Variants in FBXL13 observed in about 807,000 individuals in gnomAD.
FBXL13 encodes the protein F-box and leucine-rich repeat protein 13.
Under a neutral mutation model 83.6 loss-of-function variants are expected in FBXL13, and 67 were observed. The observed-to-expected ratio is 0.80, with a 90% CI of 0.66 to 0.98. The LOEUF (loss-of-function observed/expected upper bound fraction) is 0.98. FBXL13 is among the 50% of genes least tolerant of loss of function. The pLI, the probability that FBXL13 is intolerant of heterozygous loss-of-function variation, is 0.00. For synonymous variants in FBXL13, 272 were observed against 299.5 expected, an observed-to-expected ratio of 0.91 and a Z score of 0.95; for missense variants, 822 against 866.5, an observed-to-expected ratio of 0.95 and a Z score of 0.64.
At chr7:102,893,095 T>C (rs1486730174) in intron 11 of FBXL13, among the ~76,000 whole-genome samples, 1 of 152,232 alleles carries the variant, frequency 6.6e-6, no homozygotes, top group Non-Finnish European at 1.5e-5. Context: ...GTCACAAAAC[T>C]CTTGTTGTTC....
intron 18 of FBXL13, among the ~76,000 whole-genome samples, chr7:102,831,355 T>C (rs1402985274): frequency 6.7e-6 from 1 of 149,874 alleles, no homozygotes; most frequent in Non-Finnish European, 1.5e-5. Context: ...ATATAGTGAG[T>C]AGAGGGCAGG....
chr7:102,931,985 C>T (rs778439224), intron 8 of FBXL13, 52 bp from the exon 10 acceptor site: 5 of 1,550,922 alleles, frequency 3.2e-6, no homozygotes, highest in African/African-American at 2.7e-5. Flanking sequence ...AATGTTTAAA[C>T]AAAGTTTTTC....
At chr7:102,893,960 A>G (rs571604346) in intron 11 of FBXL13, among the ~76,000 whole-genome samples, 31 of 133,700 alleles carry the variant, frequency 2.3e-4, no homozygotes, top group South Asian at 9.6e-4. Context: ...GAAAGAAAGA[A>G]AGAGAGAAAG....
At chr7:102,914,284 G>C (rs1461940274) in intron 10 of FBXL13, among the ~76,000 whole-genome samples, 1 of 152,182 alleles carries the variant, frequency 6.6e-6, no homozygotes, top group Non-Finnish European at 1.5e-5. Flanking sequence ...TGTTGGCCAG[G>C]CTGGCCTCGA....
At chr7:102,934,563 A>C in intron 8 of FBXL13, 1 of 1,614,048 alleles carries the variant, frequency 6.2e-7, no homozygotes, top group Non-Finnish European at 8.5e-7. Flanking sequence ...GAAGAAGAAA[A>C]GGAACAATTG....
At chr7:102,950,991 T>C (rs1212975049) in intron 8 of FBXL13, among the ~76,000 whole-genome samples, 2 of 152,138 alleles carry the variant, frequency 1.3e-5, no homozygotes, top group African/African-American at 4.8e-5. Context: ...GTGAACCCTA[T>C]ATAAACTATG....
intron 6 of FBXL13, among the ~76,000 whole-genome samples, chr7:102,996,657 CTG>C (rs1789822154): frequency 6.6e-6 from 1 of 152,190 alleles, no homozygotes; most frequent in Admixed American, 6.5e-5. Context: ...AAATTCCTGA[CTG>C]TGGGAATTTG....
chr7:102,894,395 TTTG>T (rs763170311), intron 11 of FBXL13, among the ~76,000 whole-genome samples: 3 of 152,156 alleles, frequency 2.0e-5, no homozygotes, highest in Non-Finnish European at 4.4e-5. Flanking sequence ...CTTTTCATTT[TTTG>T]TTGATTTGTG....
intron 19 of FBXL13, among the ~76,000 whole-genome samples, chr7:102,821,344 A>C (rs1798786563): frequency 6.6e-6 from 1 of 152,116 alleles, no homozygotes; most frequent in Admixed American, 6.5e-5. Context: ...TCTATTTTAC[A>C]AGTAATTTTT....
chr7:103,052,033 CA>C (rs1796868547), intron 2 of FBXL13, among the ~76,000 whole-genome samples: 1 of 152,220 alleles, frequency 6.6e-6, no homozygotes, highest in South Asian at 2.1e-4. Context: ...ATCACTTTAA[CA>C]GCACATATTG....
chr7:102,957,010 T>C (rs1824376068), intron 8 of FBXL13, among the ~76,000 whole-genome samples: 1 of 152,198 alleles, frequency 6.6e-6, no homozygotes, highest in Non-Finnish European at 1.5e-5. Context: ...CCAATGACTT[T>C]CTTCACAGAA....
chr7:102,996,396 T>A (rs1014756795), intron 6 of FBXL13, among the ~76,000 whole-genome samples: 1 of 152,238 alleles, frequency 6.6e-6, no homozygotes, highest in Non-Finnish European at 1.5e-5. Flanking sequence ...AATGACTTAT[T>A]AAACACTTGC....
chr7:103,060,023 TATA>T (rs1563286196), intron 1 of FBXL13, among the ~76,000 whole-genome samples: 16 of 57,176 alleles, frequency 2.8e-4, no homozygotes, highest in African/African-American at 1.1e-3. Flanking sequence ...AGATATTTTA[TATA>T]TATATATATA....
chr7:103,042,864 AC>A (rs1269874169), intron 2 of FBXL13, among the ~76,000 whole-genome samples: 4 of 152,184 alleles, frequency 2.6e-5, no homozygotes, highest in Admixed American at 2.0e-4. Context: ...CACCATAAAA[AC>A]CCTAGAAGAA....
intron 6 of FBXL13, among the ~76,000 whole-genome samples, chr7:102,985,769 T>C (rs755472099): frequency 6.6e-6 from 1 of 152,150 alleles, no homozygotes; most frequent in Non-Finnish European, 1.5e-5. Flanking sequence ...CAACACAAGC[T>C]CAAGGATGGG....
intron 19 of FBXL13, 80 bp downstream of exon 20, chr7:102,821,960 A>T: frequency 7.0e-7 from 1 of 1,420,466 alleles, no homozygotes; most frequent in Non-Finnish European, 9.8e-7. Context: ...GCTGCTATGT[A>T]TTATGAACCT....
intron 11 of FBXL13, among the ~76,000 whole-genome samples, chr7:102,907,697 C>A (rs1813979587): frequency 6.6e-6 from 1 of 152,200 alleles, no homozygotes; most frequent in South Asian, 2.1e-4. Context: ...ATATGTGCCA[C>A]ATTTTCTTAA....
intron 10 of FBXL13, among the ~76,000 whole-genome samples, chr7:102,923,809 A>G (rs989915162): frequency 1.3e-5 from 2 of 152,014 alleles, no homozygotes; most frequent in Non-Finnish European, 2.9e-5. Context: ...TGGGTGACAG[A>G]GCAAGATGCC....
intron 14 of FBXL13, among the ~76,000 whole-genome samples, chr7:102,881,588 T>C (rs1584762991): frequency 6.9e-6 from 1 of 145,180 alleles, no homozygotes; most frequent in Non-Finnish European, 1.5e-5. Context: ...GGGGGGTGGG[T>C]GTCTCACTGT....
Sources: gnomAD v4.1 joint callset for allele counts (sites outside exome capture counted in the v4.1 genomes callset) on GRCh38, gnomAD v4.1.1 for gene constraint, MANE v1.5 for transcripts, NCBI Gene and HGNC (gene_info 2026-07-23, HGNC 2026-07-21) for gene names.